EPC2: variants seen among roughly 807,000 people sequenced by gnomAD.
EPC2 encodes enhancer of polycomb homolog 2.
Under a neutral mutation model 92.1 loss-of-function variants are expected in EPC2, and 14 were observed. The ratio of observed to expected loss-of-function variants is 0.15; its 90% CI spans 0.10 to 0.24. The LOEUF (loss-of-function observed/expected upper bound fraction) is 0.24, where lower values mean the gene tolerates loss of function less well. EPC2 is among the 10% of genes least tolerant of loss of function. The pLI is 1.00. For synonymous variants in EPC2, 340 were observed against 334.7 expected (o/e 1.02, Z -0.17); for missense variants, 755 against 971.5 (o/e 0.78, Z 2.96).
chr2:148,703,453 T>C (rs546390716), intron 2 of EPC2, among the ~76,000 whole-genome samples: 3 of 151,638 alleles, frequency 2.0e-5, no homozygotes, highest in Admixed American at 6.6e-5. Context: ...TTTTTTTTTG[T>C]TCTAAAGGAA....
chr2:148,666,961 T>C (rs555495232), intron 1 of EPC2, among the ~76,000 whole-genome samples: 35 of 152,206 alleles, frequency 2.3e-4, no homozygotes, highest in Non-Finnish European at 2.9e-4. Context: ...AGCACTCTTA[T>C]AAGTCTAAAC....
chr2:148,731,059 T>G (rs1416767103), intron 2 of EPC2, among the ~76,000 whole-genome samples: 1 of 152,194 alleles, frequency 6.6e-6, no homozygotes, highest in East Asian at 1.9e-4. Context: ...CTGCTCTGTT[T>G]AGAATACCCT....
intron 2 of EPC2, among the ~76,000 whole-genome samples, chr2:148,720,282 C>T (rs114221959): frequency 0.025 from 3,829 of 152,304 alleles, 55 homozygotes; most frequent in East Asian, 0.032. Flanking sequence ...TTGGACTCTC[C>T]AGGGTCTGCA....
intron 10 of EPC2, among the ~76,000 whole-genome samples, chr2:148,778,874 G>GA (rs552630136): frequency 1.1e-4 from 16 of 151,932 alleles, no homozygotes; most frequent in Admixed American, 1.3e-4. Flanking sequence ...AGGGGGAAAA[G>GA]AAAAAAATGA....
At chr2:148,653,325 G>C (rs2105350549) in intron 1 of EPC2, among the ~76,000 whole-genome samples, 1 of 152,344 alleles carries the variant, frequency 6.6e-6, no homozygotes, top group East Asian at 1.9e-4. Flanking sequence ...TGGGTGTGTA[G>C]AGACAGCATG....
intron 1 of EPC2, among the ~76,000 whole-genome samples, chr2:148,657,910 C>A (rs749971712): frequency 6.8e-6 from 1 of 147,678 alleles, no homozygotes; most frequent in Non-Finnish European, 1.5e-5. Context: ...GTGTGTGTAA[C>A]TGAAATAAAG....
intron 1 of EPC2, among the ~76,000 whole-genome samples, chr2:148,667,619 C>T (rs1029168628): frequency 2.6e-5 from 4 of 151,968 alleles, no homozygotes; most frequent in African/African-American, 2.4e-5. Flanking sequence ...TTATTCACTC[C>T]GTTTTTTTGA....
chr2:148,729,907 TA>T, intron 2 of EPC2, among the ~76,000 whole-genome samples: 1 of 152,218 alleles, frequency 6.6e-6, no homozygotes, highest in Non-Finnish European at 1.5e-5. Flanking sequence ...TGGCCAGTAA[TA>T]TTTGTTACTT....
At chr2:148,675,891 ATG>A (rs1009846264) in intron 1 of EPC2, among the ~76,000 whole-genome samples, 3 of 152,208 alleles carry the variant, frequency 2.0e-5, no homozygotes, top group Non-Finnish European at 4.4e-5. Context: ...ATCTTTGGCT[ATG>A]TGTGTAGCCT....
rs137951835 is a variant in EPC2 at position 148,753,815 on chromosome 2, T to A, written c.460-112T>A. The A allele has an allele frequency of 2.3e-4, 167 of 720,890 alleles. No individual in the cohort carries two copies. In the African/African-American group the frequency reaches 2.9e-3, roughly 13 times the overall value. 44.7% of individuals were successfully genotyped at this position (720,890 alleles called of 1,614,324 possible). On this transcript the variant is annotated intron_variant, in intron 3 of 13. Transcript: ENST00000258484. ...AATTGTGTCTTCACTTACTATAATA[T>A]TATCTGTTAGTAGTTATTGAAACTG... is the stretch of plus-strand genomic sequence containing the variant.
chr2:148,721,543 T>A (rs1404630844), intron 2 of EPC2, among the ~76,000 whole-genome samples: 5 of 152,070 alleles, frequency 3.3e-5, no homozygotes, highest in African/African-American at 1.2e-4. Context: ...TTATTTTTGT[T>A]TTGGCTTTTA....
At chr2:148,669,053 C>T (rs1471028995) in intron 1 of EPC2, among the ~76,000 whole-genome samples, 2 of 151,996 alleles carry the variant, frequency 1.3e-5, no homozygotes, top group Admixed American at 1.3e-4. Flanking sequence ...GTTGTATTTT[C>T]ATTTAGTTCA....
chr2:148,709,459 A>G (rs138568530), intron 2 of EPC2, among the ~76,000 whole-genome samples: 3,132 of 152,346 alleles, frequency 0.021, 49 homozygotes, highest in Non-Finnish European at 0.032. Flanking sequence ...CCATCAAGCT[A>G]CCAATGACTT....
rs757368496 is a variant in EPC2, at chr2:148,690,274, A to G, written c.214A>G (p.Met72Val). The part of the protein sequence containing the change: ...QQVFREKKES[M>V]VIPVPEAESN... ...AGTGTTTAGAGAAAAAAAAGAGAGT[A>G]TGGTCATTCCTGTTCCTGAGGCAGA... Residue 72 changes from methionine to valine, a missense_variant, in exon 2 of 14, where the codon ATG becomes GTG. Met to Val is a conservative substitution (Grantham distance 21). This residue lies in a region of EPC2 where 509 missense variants were observed against 607.7 expected (regional missense o/e 0.84). Transcript: ENST00000258484. 3.7e-6 allele frequency: 6 copies of G among 1,612,032 alleles called. No homozygotes were observed. In the East Asian group the frequency reaches 8.9e-5, roughly 24 times the overall value.
At chr2:148,753,807 CTA>C (rs2105416352) in intron 3 of EPC2, 118 bp from the exon 4 acceptor site, 1 of 694,978 alleles carries the variant, frequency 1.4e-6, no homozygotes, top group East Asian at 2.7e-5. Context: ...TCTTCACTTA[CTA>C]TAATATTATC....
chr2:148,756,459 C>G (rs1038762323), intron 4 of EPC2, among the ~76,000 whole-genome samples: 2 of 152,178 alleles, frequency 1.3e-5, no homozygotes, highest in Admixed American at 6.5e-5. Context: ...AACAAAGGCT[C>G]TCTGTTTTCT....
chr2:148,659,488 A>G (rs1680889701), intron 1 of EPC2, among the ~76,000 whole-genome samples: 1 of 152,186 alleles, frequency 6.6e-6, no homozygotes, highest in Non-Finnish European at 1.5e-5. Flanking sequence ...TGTGAAATGC[A>G]GAATTTTACT....
chr2:148,678,583 C>T (rs1034361653), intron 1 of EPC2, among the ~76,000 whole-genome samples: 2 of 152,268 alleles, frequency 1.3e-5, no homozygotes, highest in Non-Finnish European at 2.9e-5. Context: ...AAATCGAGCG[C>T]AGCACTGGTG....
intron 2 of EPC2, among the ~76,000 whole-genome samples, chr2:148,703,306 G>A (rs915949666): frequency 4.6e-5 from 7 of 152,064 alleles, no homozygotes; most frequent in Admixed American, 4.6e-4. Context: ...ATTTCTGTCA[G>A]TTTATTAGAT....
Sources: gnomAD v4.1 joint callset for allele counts (sites outside exome capture counted in the v4.1 genomes callset) on GRCh38, gnomAD v4.1.1 for gene constraint, gnomAD v4.1.1 regional missense constraint, MANE v1.5 for transcripts, NCBI Gene and HGNC (gene_info 2026-07-23, HGNC 2026-07-21) for gene names.